Variants in HMCN1 observed in about 807,000 individuals in gnomAD.
HMCN1 encodes the protein hemicentin 1, also known as hemicentin-1.
In HMCN1, 321 loss-of-function variants were observed where a neutral mutation model predicts 625.9. That is an observed-to-expected ratio of 0.51 (90% confidence interval 0.47 to 0.56). HMCN1 has a LOEUF of 0.56. Ranked by LOEUF, HMCN1 falls within the 20% of genes least tolerant of loss-of-function variation. HMCN1 has a pLI of 0.00. For synonymous variants in HMCN1, 2,425 were observed against 2,417.6 expected, an observed-to-expected ratio of 1.00 and a Z score of -0.09; for missense variants, 6,588 against 6,887.3, an observed-to-expected ratio of 0.96 and a Z score of 1.54.
chr1:186,145,249 T>C (rs1650236979), intron 91 of HMCN1, among the ~76,000 whole-genome samples, 154 bp from the exon 92 acceptor site: 1 of 152,272 alleles, frequency 6.6e-6, no homozygotes, highest in South Asian at 2.1e-4. Context: ...AGCTAAACTA[T>C]CTTCCTTTGG....
Position 186,151,303 on chromosome 1 carries a change from T to A in HMCN1, c.14712T>A (p.Asp4904Glu). ...NATITDSPNS[D>E]TRIIRAKITN... The stretch of plus-strand genomic sequence containing the variant: ...CAATAACTGATAGCCCTAACTCTGA[T>A]ACTAGAATAATACGTGCCAAAATTA... Residue 4904 changes from aspartate (D) to glutamate (E), a missense_variant, in exon 94 of 107, where the codon GAT (aspartate) becomes GAA (glutamate). By Grantham distance (45) the Asp-to-Glu change is conservative (BLOSUM62 2). This residue lies in a region of HMCN1 where 1,954 missense variants were observed against 2,013.1 expected (regional missense o/e 0.97). Transcript: ENST00000271588. The A allele has an allele frequency of 9.3e-6, 15 of 1,613,698 alleles. 1 individual carries two copies. The highest frequency in any genetic ancestry group is 1.2e-5 in the Non-Finnish European group (14 of 1,179,656).
chr1:185,890,123 G>A (rs918135429), intron 4 of HMCN1, among the ~76,000 whole-genome samples: 8 of 151,652 alleles, frequency 5.3e-5, no homozygotes, highest in Non-Finnish European at 1.0e-4. Flanking sequence ...ATTCTCTGAT[G>A]GTAGTTTGTA....
At chr1:186,124,911 T>A (rs973714505) in intron 81 of HMCN1, among the ~76,000 whole-genome samples, 10 of 152,068 alleles carry the variant, frequency 6.6e-5, no homozygotes, top group Non-Finnish European at 1.3e-4. Context: ...TAGTTCTAAG[T>A]CCAATCAAGT....
intron 1 of HMCN1, among the ~76,000 whole-genome samples, chr1:185,818,157 A>C (rs1659959132): frequency 6.6e-6 from 1 of 152,158 alleles, no homozygotes; most frequent in Non-Finnish European, 1.5e-5. Context: ...TTTTCACTGC[A>C]ACATAATTTT....
At chr1:185,785,355 A>C (rs1310073056) in intron 1 of HMCN1, among the ~76,000 whole-genome samples, 1 of 152,178 alleles carries the variant, frequency 6.6e-6, no homozygotes, top group Non-Finnish European at 1.5e-5. Flanking sequence ...TAGAATCTTC[A>C]CTTTCTCTTC....
Position 186,136,837 on chromosome 1 carries a change from A to G in HMCN1, c.13482A>G (p.Leu4494=). Residue 4494 remains leucine (L), a synonymous_variant, in exon 87 of 107, where the codon TTA becomes TTG. Coordinates refer to ENST00000271588, the MANE Select transcript of HMCN1 (RefSeq NM_031935.3). ...DRVNVLSNNS[L]YIADAQKEDT... ...TTAACGTGTTGTCCAACAACTCATT[A>G]TATATTGCTGATGCTCAGAAAGAAG... is the stretch of plus-strand genomic sequence containing the variant. The G allele has an allele frequency of 6.2e-7, 1 of 1,614,100 alleles. No homozygotes were observed. The highest frequency in any genetic ancestry group is 1.7e-5 in the Admixed American group (1 of 60,006).
intron 89 of HMCN1, among the ~76,000 whole-genome samples, chr1:186,140,340 T>C (rs1340870867): frequency 6.6e-6 from 1 of 152,172 alleles, no homozygotes; most frequent in African/African-American, 2.4e-5. Flanking sequence ...TTCATGAACT[T>C]GATATTTTTT....
At chr1:186,145,953 C>T in intron 93 of HMCN1, 30 bp downstream of exon 93, 1 of 1,606,944 alleles carries the variant, frequency 6.2e-7, no homozygotes, top group Non-Finnish European at 8.5e-7. Flanking sequence ...TTTGGTAGCA[C>T]ATTTAGAGCC....
At chr1:186,070,880 G>C in intron 52 of HMCN1, 123 bp downstream of exon 52, 1 of 987,324 alleles carries the variant, frequency 1.0e-6, no homozygotes, top group Non-Finnish European at 1.6e-6. Flanking sequence ...ACTAGCAAAT[G>C]CCATGCTCCT....
intron 1 of HMCN1, among the ~76,000 whole-genome samples, chr1:185,759,611 C>G (rs1439058942): frequency 6.6e-6 from 1 of 152,068 alleles, no homozygotes; most frequent in Non-Finnish European, 1.5e-5. Context: ...AATTTAAATT[C>G]ACTAACTTGT....
chr1:186,025,829 C>T (rs1375114058), intron 36 of HMCN1, among the ~76,000 whole-genome samples: 1 of 152,118 alleles, frequency 6.6e-6, no homozygotes, highest in Non-Finnish European at 1.5e-5. Flanking sequence ...TTAAAAATTG[C>T]TCAATCAGAG....
rs1426481860 is a variant in HMCN1 at position 186,015,198 on chromosome 1, T to G, written c.4670T>G (p.Ile1557Arg). Residue 1557 changes from isoleucine to arginine, a missense_variant, in exon 31 of 107, where the codon ATA (isoleucine) becomes AGA (arginine). By Grantham distance (97) the Ile-to-Arg change is moderately conservative. Coordinates refer to ENST00000271588, the MANE Select transcript of HMCN1 (RefSeq NM_031935.3). ...SIKGGNVTTD[I>R]SVLINSLIKL... ...AAAGGAGGAAATGTCACCACAGACATATCAGTATTGATCAACAGCCTTATT... is the reference window on the plus strand; with the variant it reads ...AAAGGAGGAAATGTCACCACAGACAGATCAGTATTGATCAACAGCCTTATT... 6.2e-7 allele frequency: 1 copy of G among 1,613,672 alleles called. No individual in the cohort carries two copies. The highest frequency in any genetic ancestry group is 1.7e-5 in the Admixed American group (1 of 59,968).
At chr1:185,887,921 G>C (rs376560513) in intron 4 of HMCN1, among the ~76,000 whole-genome samples, 90 of 143,492 alleles carry the variant, frequency 6.3e-4, no homozygotes, top group Non-Finnish European at 6.3e-4. Flanking sequence ...TACAGTCCCA[G>C]CAACAGTGTA....
At chr1:185,803,993 A>C (rs1418835396) in intron 1 of HMCN1, among the ~76,000 whole-genome samples, 1 of 152,052 alleles carries the variant, frequency 6.6e-6, no homozygotes, top group Non-Finnish European at 1.5e-5. Flanking sequence ...TTATTTTTGA[A>C]ATATTCCTCT....
rs185735174 is a variant in HMCN1, at chr1:185,734,640, C to T, written c.-140C>T. On this transcript the variant is annotated 5_prime_UTR_variant, in exon 1 of 107. Transcript: ENST00000271588. ...TTGGTGCTTGTCCCCGTCTGATTCTCAGCGCCAAACTTTTTGCTAGTTCAG... is the reference window on the plus strand; with the variant it reads ...TTGGTGCTTGTCCCCGTCTGATTCTTAGCGCCAAACTTTTTGCTAGTTCAG... 1.2e-6 allele frequency: 1 copy of T among 811,302 alleles called. No homozygotes were observed. Among genetic ancestry groups the T allele is most frequent in the East Asian group, 2.4e-5 (1 of 40,832 alleles). The allele number at this position is 811,302 out of a possible 1,614,324, so 50.3% of individuals were successfully genotyped here.
chr1:186,190,299 A>G lies in HMCN1; in HGVS notation c.*421A>G, dbSNP rs1448860828. On this transcript the variant is annotated 3_prime_UTR_variant, in exon 107 of 107. Transcript: ENST00000271588. ...TTTTAGAATCATAAAATTAGTTACTAAGTATTTTGATCAAAGCTTATAAAA... is the reference window on the plus strand; with the variant it reads ...TTTTAGAATCATAAAATTAGTTACTGAGTATTTTGATCAAAGCTTATAAAA... 1.3e-5 allele frequency: 3 copies of G among 222,368 alleles called. No homozygotes were observed. Among genetic ancestry groups the G allele is most frequent in the African/African-American group, 6.8e-5 (3 of 43,954 alleles). 13.8% of individuals were successfully genotyped at this position (222,368 alleles called of 1,614,324 possible).
rs755228282 is a variant in HMCN1 at position 185,984,273 on chromosome 1, T to C, written c.2895T>C (p.Val965=). The change falls in exon 19 of 107, where the codon GTT becomes GTC. Residue 965 remains valine (V), a synonymous_variant. Transcript: ENST00000271588. ...GGEYTCVASN[V]AGTNNKTTSV... The stretch of plus-strand genomic sequence containing the variant: ...AATATACTTGTGTGGCCAGTAACGT[T>C]GCTGGGACCAATAACAAAACTACCT... The C allele has an allele frequency of 3.1e-6, 5 of 1,613,968 alleles. No homozygotes were observed. In the East Asian group the frequency reaches 8.9e-5, roughly 29 times the overall value.
At chr1:185,818,965 C>G (rs914311460) in intron 1 of HMCN1, among the ~76,000 whole-genome samples, 1 of 150,500 alleles carries the variant, frequency 6.6e-6, no homozygotes, top group Non-Finnish European at 1.5e-5. Context: ...TGATCTGTTA[C>G]CTGGAAGCCA....
At chr1:186,009,963 G>A (rs990339299) in intron 30 of HMCN1, among the ~76,000 whole-genome samples, 2 of 152,046 alleles carry the variant, frequency 1.3e-5, no homozygotes, top group East Asian at 1.9e-4. Context: ...GGATTCTCAC[G>A]AGAAGCCAGC....
Sources: allele counts gnomAD v4.1 joint callset (sites outside exome capture counted in the v4.1 genomes callset), GRCh38; gene constraint gnomAD v4.1.1; regional missense constraint gnomAD v4.1.1; transcripts MANE v1.5; gene names NCBI Gene and HGNC (gene_info 2026-07-23, HGNC 2026-07-21).